FBN1: variants seen among roughly 807,000 people sequenced by gnomAD.
FBN1 encodes fibrillin 1.
Under a neutral mutation model 365.1 loss-of-function variants are expected in FBN1, and 29 were observed. The ratio of observed to expected loss-of-function variants is 0.08; its 90% confidence interval spans 0.06 to 0.11. The LOEUF (loss-of-function observed/expected upper bound fraction) is 0.11. Ranked by LOEUF, FBN1 falls within the 10% of genes least tolerant of loss-of-function variation. The pLI is 1.00. For missense variants in FBN1, 2,476 were observed against 3,703.2 expected, an observed-to-expected ratio of 0.67 and a Z score of 8.60; for synonymous variants, 1,210 against 1,270.5, an observed-to-expected ratio of 0.95 and a Z score of 1.01.
chr15:48,531,814 G>C (rs764307689), intron 8 of FBN1, among the ~76,000 whole-genome samples: 16 of 152,086 alleles, frequency 1.1e-4, no homozygotes, highest in Non-Finnish European at 2.2e-4. Flanking sequence ...CTCCAGGCCA[G>C]AGAATGTATA....
At chr15:48,540,534 T>G (rs1419520049) in intron 6 of FBN1, among the ~76,000 whole-genome samples, 1 of 152,190 alleles carries the variant, frequency 6.6e-6, no homozygotes, top group Non-Finnish European at 1.5e-5. Flanking sequence ...AGTAATTTTC[T>G]TACTGTCTAT....
chr15:48,550,191 GC>G (rs2044130965), intron 6 of FBN1, among the ~76,000 whole-genome samples: 1 of 152,206 alleles, frequency 6.6e-6, no homozygotes, highest in Non-Finnish European at 1.5e-5. Flanking sequence ...CCATTCAGAC[GC>G]CCTCGTGGCC....
chr15:48,616,317 A>C (rs1157938989), intron 2 of FBN1, among the ~76,000 whole-genome samples: 3 of 152,250 alleles, frequency 2.0e-5, no homozygotes, highest in African/African-American at 7.2e-5. Flanking sequence ...GTTGCCATTC[A>C]TTCTTAAATC....
chr15:48,414,988 C>T (rs1311185841), intron 64 of FBN1, among the ~76,000 whole-genome samples: 1 of 151,532 alleles, frequency 6.6e-6, no homozygotes, highest in African/African-American at 2.4e-5. Flanking sequence ...TTTTTTTAAC[C>T]AGGAAAATAC....
At chr15:48,598,681 C>T (rs2044534690) in intron 5 of FBN1, among the ~76,000 whole-genome samples, 1 of 152,190 alleles carries the variant, frequency 6.6e-6, no homozygotes, top group Non-Finnish European at 1.5e-5. Context: ...CAGGTAAGCT[C>T]CTACCCATCC....
chr15:48,437,491 T>C (rs914398787), intron 51 of FBN1, 104 bp from the exon 52 acceptor site: 63 of 1,055,458 alleles, frequency 6.0e-5, no homozygotes, highest in Middle Eastern at 4.3e-4. Context: ...TGCATATTGA[T>C]AAATGATGGA....
At chr15:48,448,172 T>C (rs1241430446) in intron 46 of FBN1, among the ~76,000 whole-genome samples, 2 of 151,736 alleles carry the variant, frequency 1.3e-5, no homozygotes, top group East Asian at 1.9e-4. Flanking sequence ...ATCTGATTTA[T>C]GTTCTTAATG....
At chr15:48,503,619 G>C (rs1001736391) in intron 17 of FBN1, among the ~76,000 whole-genome samples, 168 bp downstream of exon 17, 1 of 152,238 alleles carries the variant, frequency 6.6e-6, no homozygotes. Context: ...ATGAGGCTTA[G>C]ATAAGTACCT....
chr15:48,475,257 T>C (rs575042656), intron 32 of FBN1, among the ~76,000 whole-genome samples: 1 of 152,336 alleles, frequency 6.6e-6, no homozygotes, highest in East Asian at 1.9e-4. Context: ...CCCTAGCTTC[T>C]TAGAGTCCTA....
chr15:48,483,186 T>C (rs575508755), intron 31 of FBN1, among the ~76,000 whole-genome samples: 77 of 152,272 alleles, frequency 5.1e-4, no homozygotes, highest in Non-Finnish European at 2.4e-4. Context: ...CCAATGCAGA[T>C]GACAGAATTA....
chr15:48,467,873 T>C (rs2043335682), intron 38 of FBN1, 65 bp downstream of exon 38: 3 of 1,450,138 alleles, frequency 2.1e-6, no homozygotes, highest in South Asian at 1.1e-5. Flanking sequence ...AAGGTTTGTC[T>C]TCTGATCTAG....
At chr15:48,575,074 A>G (rs189621163) in intron 6 of FBN1, among the ~76,000 whole-genome samples, 10 of 152,366 alleles carry the variant, frequency 6.6e-5, no homozygotes, top group African/African-American at 2.2e-4. Context: ...GACGGGAAAT[A>G]GTTCACGTGT....
chr15:48,429,433 C>T (rs2043008829), intron 56 of FBN1, among the ~76,000 whole-genome samples: 1 of 152,158 alleles, frequency 6.6e-6, no homozygotes, highest in African/African-American at 2.4e-5. Flanking sequence ...TTAGAATTAT[C>T]TGATGATTAT....
intron 8 of FBN1, among the ~76,000 whole-genome samples, chr15:48,528,233 T>C (rs914312184): frequency 1.9e-4 from 29 of 152,334 alleles, no homozygotes; most frequent in African/African-American, 7.0e-4. Flanking sequence ...AAGGTTTAAA[T>C]GACAGCCCAT....
chr15:48,496,285 T>C, intron 19 of FBN1, 60 bp from the exon 20 acceptor site: 1 of 1,608,840 alleles, frequency 6.2e-7, no homozygotes, highest in Non-Finnish European at 8.5e-7. Context: ...GTATCTACTT[T>C]GCTCTTTTAC....
rs138089515 is a variant in FBN1, at chr15:48,478,368, A to T, written c.3964+3287T>A. Among the ~76,000 whole-genome samples, 24 of 152,362 alleles carry T rather than the reference A, an allele frequency of 1.6e-4. No individual in the cohort carries two copies. In the East Asian group the frequency reaches 2.9e-3, roughly 18 times the overall value. The stretch of plus-strand genomic sequence containing the variant: ...TCTCTCCTATGAACCAAGATCCACC[A>T]GAGACATTTCTCTTATGAAAGAAAC... On this transcript the variant is annotated intron_variant, in intron 32 of 65. Coordinates refer to ENST00000316623, the MANE Select transcript of FBN1 (RefSeq NM_000138.5).
At position 48,410,763 on chromosome 15, in the gene FBN1, T is replaced by G; in HGVS notation, c.*227A>C. The G allele has an allele frequency of 1.9e-6, 1 of 532,644 alleles. No individual in the cohort carries two copies. The highest frequency in any genetic ancestry group is 2.5e-5 in the South Asian group (1 of 40,346). The allele number at this position is 532,644 out of a possible 1,614,324, so 33.0% of individuals were successfully genotyped here. ...CCCAGTTTTCAAGAATCAACACATA[T>G]GACAAGGTAGCTTAGCTACACACAT... On this transcript the variant is annotated 3_prime_UTR_variant, in exon 66 of 66. Coordinates refer to ENST00000316623, the MANE Select transcript of FBN1 (RefSeq NM_000138.5).
chr15:48,530,682 C>T lies in FBN1; in HGVS notation c.862+3398G>A, dbSNP rs904500863. Reference sequence around the variant, plus strand: ...TCTATGGTAGTGGGTTAAGCCGCCCCGGGAATTCTCCTTAGCTCCTGAGAG... The same window carrying T: ...TCTATGGTAGTGGGTTAAGCCGCCCTGGGAATTCTCCTTAGCTCCTGAGAG... On this transcript the variant is annotated intron_variant, in intron 8 of 65. Transcript: ENST00000316623. Among the ~76,000 whole-genome samples the T allele has an allele frequency of 5.3e-5, 8 of 152,058 alleles. 1 individual carries two copies. The highest frequency in any genetic ancestry group is 1.2e-4 in the Non-Finnish European group (8 of 68,032).
chr15:48,593,553 A>G (rs376689052), intron 6 of FBN1, among the ~76,000 whole-genome samples: 1 of 152,218 alleles, frequency 6.6e-6, no homozygotes, highest in Admixed American at 6.5e-5. Context: ...CATGAAACCA[A>G]TGAAATCAAT....
Sources: allele counts gnomAD v4.1 joint callset (sites outside exome capture counted in the v4.1 genomes callset), GRCh38; gene constraint gnomAD v4.1.1; transcripts MANE v1.5; gene names NCBI Gene and HGNC (gene_info 2026-07-23, HGNC 2026-07-21).